The following EFEMP1 variants were observed in gnomAD, a reference collection of about 807,000 sequenced individuals.
The protein encoded by EFEMP1 is EGF-containing fibulin-like extracellular matrix protein 1.
EFEMP1 carries 18 observed loss-of-function variants against 65.7 expected under a neutral mutation model. The ratio of observed to expected loss-of-function variants is 0.27; its 90% CI spans 0.19 to 0.41. EFEMP1 has a LOEUF of 0.41. EFEMP1 is among the 10% of genes least tolerant of loss of function. EFEMP1 has a pLI of 1.00. For synonymous variants in EFEMP1, 237 were observed against 219.7 expected, an observed-to-expected ratio of 1.08 and a Z score of -0.70; for missense variants, 469 against 624.8, an observed-to-expected ratio of 0.75 and a Z score of 2.66.
rs1003316404 is a variant in EFEMP1, at chr2:55,922,803, T to C, written c.-8+96A>G. The C allele has an allele frequency of 1.4e-5, 13 of 927,770 alleles. No homozygotes were observed. The highest frequency in any genetic ancestry group is 1.6e-5 in the Non-Finnish European group (11 of 707,954). The allele number at this position is 927,770 out of a possible 1,614,324, so 57.5% of individuals were successfully genotyped here. On this transcript the variant is annotated intron_variant, in intron 2 of 11. Transcript: ENST00000355426. The surrounding 1 kb of genome is among the most constrained non-coding windows in gnomAD (Gnocchi z 5.5). Reference sequence around the variant, plus strand: ...CAGTAATCCATTTCAAAGGGGACGGTGCATTTCCTGCCCCCCAGTCCCACA... The same window carrying C: ...CAGTAATCCATTTCAAAGGGGACGGCGCATTTCCTGCCCCCCAGTCCCACA...
chr2:55,909,910 G>A (rs1670418394), intron 5 of EFEMP1, among the ~76,000 whole-genome samples: 1 of 152,120 alleles, frequency 6.6e-6, no homozygotes, highest in South Asian at 2.1e-4. Context: ...ACTCTATTAA[G>A]CTACAGCAGA....
chr2:55,887,954 AC>A (rs897214624), intron 5 of EFEMP1, among the ~76,000 whole-genome samples: 1 of 152,046 alleles, frequency 6.6e-6, no homozygotes, highest in Non-Finnish European at 1.5e-5. Context: ...TTGCAAATGG[AC>A]CCCCCTCACG....
Position 55,918,557 on chromosome 2 carries a change from T to A in EFEMP1, c.82-290A>T, listed in dbSNP as rs1298834545. On this transcript the variant is annotated intron_variant, in intron 3 of 11. Coordinates refer to ENST00000355426, the MANE Select transcript of EFEMP1 (RefSeq NM_001039348.3). ...CTTTTCTGTTTTGAGACTAATCTTC[T>A]CCAACTTCTCTGACTGCTCTTTATT... Among the ~76,000 whole-genome samples, 4 of 151,786 alleles carry A rather than the reference T, an allele frequency of 2.6e-5. No individual in the cohort carries two copies. In the East Asian group the frequency reaches 7.7e-4, roughly 29 times the overall value.
intron 6 of EFEMP1, among the ~76,000 whole-genome samples, chr2:55,878,142 T>C (rs1669105361): frequency 6.6e-6 from 1 of 152,196 alleles, no homozygotes. Flanking sequence ...ATTGCATATA[T>C]ATATAAGATG....
rs1312047265 is a variant in EFEMP1, at chr2:55,921,915, A to C, written c.81+445T>G. The C allele has an allele frequency of 1.0e-5, 2 of 191,176 alleles. No individual in the cohort carries two copies. Among genetic ancestry groups the C allele is most frequent in the Non-Finnish European group, 2.2e-5 (2 of 90,100 alleles). The allele number at this position is 191,176 out of a possible 1,614,324, so 11.8% of individuals were successfully genotyped here. On this transcript the variant is annotated intron_variant, in intron 3 of 11. Transcript: ENST00000355426. The surrounding 1 kb of genome is among the most constrained non-coding windows in gnomAD (Gnocchi z 4.1). The stretch of plus-strand genomic sequence containing the variant: ...ATTCAATAAAGGCCACTTACTTGAG[A>C]ATGCATGTCATGTACACAAAGAAGG...
intron 9 of EFEMP1, among the ~76,000 whole-genome samples, chr2:55,872,814 G>A (rs2104373685): frequency 6.6e-6 from 1 of 152,050 alleles, no homozygotes. Flanking sequence ...TATCCTTTCA[G>A]TATTTTCCAC....
chr2:55,915,247 C>T (rs565111712), intron 5 of EFEMP1, among the ~76,000 whole-genome samples: 2 of 152,122 alleles, frequency 1.3e-5, no homozygotes, highest in African/African-American at 4.8e-5. Flanking sequence ...GGCTGAATTA[C>T]ACAGATCAAT....
rs2104369195 is a variant in EFEMP1, at chr2:55,870,846, C to T, written c.1194G>A (p.Met398Ile). Residue 398 changes from methionine to isoleucine, a missense_variant, in exon 11 of 12, where the codon ATG (methionine) becomes ATA (isoleucine). By Grantham distance (10) the Met-to-Ile change is conservative. Coordinates refer to ENST00000355426, the MANE Select transcript of EFEMP1 (RefSeq NM_001039348.3). The surrounding 1 kb of genome is among the most constrained non-coding windows in gnomAD (Gnocchi z 5.8). ...ELPQSIVYKYMSIRSDRSVPS... is the reference protein window; with the variant it reads ...ELPQSIVYKYISIRSDRSVPS... Reference sequence around the variant, plus strand: ...GCACAGACCTATCAGATCGGATGCTCATGTATTTGTAGACTATTGACTGGG... The same window carrying T: ...GCACAGACCTATCAGATCGGATGCTTATGTATTTGTAGACTATTGACTGGG... 1.2e-6 allele frequency: 2 copies of T among 1,613,748 alleles called. No individual in the cohort carries two copies. The highest frequency in any genetic ancestry group is 3.3e-5 in the Admixed American group (2 of 59,908).
Position 55,888,931 on chromosome 2 carries a change from C to T in EFEMP1, c.518-7197G>A, listed in dbSNP as rs190305792. On this transcript the variant is annotated intron_variant, in intron 5 of 11. Transcript: ENST00000355426. ...CAATTGTGTTTTCCTGGTTCCCGGCCACTTGATCTCTCCTCTCCTCTATCT... is the reference window on the plus strand; with the variant it reads ...CAATTGTGTTTTCCTGGTTCCCGGCTACTTGATCTCTCCTCTCCTCTATCT... Among the ~76,000 whole-genome samples, 209 of 152,270 alleles carry T rather than the reference C, an allele frequency of 1.4e-3. 1 individual carries two copies. The highest frequency in any genetic ancestry group is 0.013 in the Admixed American group (197 of 15,304).
At chr2:55,902,947 T>G (rs1372029180) in intron 5 of EFEMP1, among the ~76,000 whole-genome samples, 1 of 152,224 alleles carries the variant, frequency 6.6e-6, no homozygotes, top group Admixed American at 6.5e-5. Flanking sequence ...AGTGCACTCA[T>G]TTTCTCTCTG....
Position 55,917,939 on chromosome 2 carries a change from A to G in EFEMP1, c.243T>C (p.Asn81=). The G allele has an allele frequency of 1.2e-6, 2 of 1,614,200 alleles. 1 individual carries two copies. The highest frequency in any genetic ancestry group is 4.5e-5 in the East Asian group (2 of 44,886). Residue 81 remains asparagine, a synonymous_variant, in exon 5 of 12, where the codon AAT becomes AAC. Transcript: ENST00000355426. This position sits in a 1 kb window ranked among gnomAD's most constrained non-coding sequence, Gnocchi z 6.3. ...GTTGTGTTTCCTGCTGAGGCTGTTCATTATTGACAATAATCTGGGCTGTTT... is the reference window on the plus strand; with the variant it reads ...GTTGTGTTTCCTGCTGAGGCTGTTCGTTATTGACAATAATCTGGGCTGTTT... ...LPKTAQIIVN[N]EQPQQETQPA... is the part of the protein sequence containing the mutation.
intron 5 of EFEMP1, among the ~76,000 whole-genome samples, chr2:55,902,327 A>G (rs544328179): frequency 1.6e-3 from 198 of 121,974 alleles, no homozygotes; most frequent in African/African-American, 8.7e-3. Flanking sequence ...GAAATGAACT[A>G]ATTCAGACTT....
At position 55,912,790 on chromosome 2, in the gene EFEMP1, A is replaced by G. The variant is rs72811708; in HGVS notation, c.517+4875T>C. Among the ~76,000 whole-genome samples, 1,379 of 152,326 alleles carry G rather than the reference A, an allele frequency of 9.1e-3. 14 individuals carry two copies. Among genetic ancestry groups the G allele is most frequent in the Middle Eastern group, 0.017 (5 of 294 alleles). ...GAAAGTTGGAAAAAATAAAAATTTT[A>G]GCAAACTGAAAAATTTATAGGTGAA... On this transcript the variant is annotated intron_variant, in intron 5 of 11. Coordinates refer to ENST00000355426, the MANE Select transcript of EFEMP1 (RefSeq NM_001039348.3).
chr2:55,887,788 A>C (rs2104402155), intron 5 of EFEMP1, among the ~76,000 whole-genome samples: 1 of 152,312 alleles, frequency 6.6e-6, no homozygotes, highest in Middle Eastern at 3.4e-3. Flanking sequence ...CCTCCCTGAT[A>C]GTTCATTTCT....
chr2:55,875,125 G>GATAT (rs55673402), intron 8 of EFEMP1, 60 bp from the exon 9 acceptor site: 917 of 778,460 alleles, frequency 1.2e-3, no homozygotes, highest in Non-Finnish European at 1.4e-3. Flanking sequence ...CACTACTTTG[G>GATAT]ATATATATAT....
chr2:55,893,144 G>A (rs890993266), intron 5 of EFEMP1, among the ~76,000 whole-genome samples: 9 of 152,078 alleles, frequency 5.9e-5, no homozygotes, highest in Admixed American at 1.3e-4. Context: ...CTTCAATTAC[G>A]AATCTCTTTT....
At chr2:55,892,173 C>T (rs1669650108) in intron 5 of EFEMP1, among the ~76,000 whole-genome samples, 2 of 152,088 alleles carry the variant, frequency 1.3e-5, no homozygotes, top group African/African-American at 4.8e-5. Flanking sequence ...ATAAAATAGT[C>T]TTTGGACTTT....
At chr2:55,872,561 G>C (rs1336029384) in intron 9 of EFEMP1, among the ~76,000 whole-genome samples, 1 of 152,058 alleles carries the variant, frequency 6.6e-6, no homozygotes, top group African/African-American at 2.4e-5. Context: ...CACTTGATAT[G>C]GATGAAAAAC....
rs556410164 is a variant in EFEMP1, at chr2:55,875,019, A to G, written c.927T>C (p.Cys309=). The G allele has an allele frequency of 6.2e-7, 1 of 1,608,600 alleles. No homozygotes were observed. Among genetic ancestry groups the G allele is most frequent in the Non-Finnish European group, 8.5e-7 (1 of 1,176,896 alleles). The change falls in exon 9 of 12, where the codon TGT becomes TGC. Residue 309 remains cysteine, a synonymous_variant. Transcript: ENST00000355426. ...ATGAGAATTTCCCAGGTTCATTGAC[A>G]CATTGATATTGACACAGGTAGCTTG... The part of the protein sequence containing the change: ...RTSSYLCQYQ[C]VNEPGKFSCM...
Sources: allele counts gnomAD v4.1 joint callset (sites outside exome capture counted in the v4.1 genomes callset), GRCh38; gene constraint gnomAD v4.1.1; non-coding constraint Gnocchi (gnomAD v3.1); transcripts MANE v1.5; gene names NCBI Gene and HGNC (gene_info 2026-07-23, HGNC 2026-07-21).